Variants in SLC35F1 observed in about 807,000 individuals in gnomAD.
The protein encoded by SLC35F1 is solute carrier family 35 member F1.
SLC35F1 carries 14 observed loss-of-function variants against 48.7 expected under a neutral mutation model. The ratio of observed to expected loss-of-function variants is 0.29; its 90% CI spans 0.19 to 0.45. The LOEUF (loss-of-function observed/expected upper bound fraction) is 0.45, where lower values mean the gene tolerates loss of function less well. Among genes scored for constraint, SLC35F1 ranks in the 20% least tolerant of loss-of-function variants. The probability of loss-of-function intolerance (pLI) is 1.00; values close to 1 mark genes in which losing one functional copy is unlikely to be tolerated. For synonymous variants in SLC35F1, 190 were observed against 202.2 expected (o/e 0.94, Z 0.51); for missense variants, 404 against 500.0 (o/e 0.81, Z 1.83).
intron 1 of SLC35F1, among the ~76,000 whole-genome samples, chr6:118,019,346 A>T (rs1047005174): frequency 1.3e-5 from 2 of 152,150 alleles, no homozygotes; most frequent in Non-Finnish European, 2.9e-5. Context: ...TGCATCTTCT[A>T]TGTAAGTGTG....
At chr6:118,288,221 G>A (rs1269318169) in intron 7 of SLC35F1, among the ~76,000 whole-genome samples, 1 of 152,108 alleles carries the variant, frequency 6.6e-6, no homozygotes, top group Non-Finnish European at 1.5e-5. Flanking sequence ...GTTAACCCCT[G>A]TGAGCCCAAG....
chr6:118,232,982 T>TC (rs1262319319), intron 2 of SLC35F1, among the ~76,000 whole-genome samples: 3 of 151,816 alleles, frequency 2.0e-5, no homozygotes, highest in Non-Finnish European at 4.4e-5. Flanking sequence ...GTTTTTTTTT[T>TC]TTTAGACGAA....
intron 2 of SLC35F1, among the ~76,000 whole-genome samples, chr6:118,198,071 G>A (rs1485797061): frequency 2.6e-5 from 4 of 152,086 alleles, no homozygotes; most frequent in East Asian, 1.9e-4. Flanking sequence ...GTGACTTGTG[G>A]ACTCTCAGTA....
rs142909369 is a variant in SLC35F1, at chr6:118,067,983, A to G, written c.174-86462A>G. ...AACACAAATTTATTATCTAACGGTT[A>G]TGGAGGTCATGGGAGGCAGGCGGTG... On this transcript the variant is annotated intron_variant, in intron 1 of 7. Transcript: ENST00000360388. Among the ~76,000 whole-genome samples the G allele has an allele frequency of 6.6e-5, 10 of 152,310 alleles. No individual in the cohort carries two copies. In the East Asian group the frequency reaches 1.9e-3, roughly 29 times the overall value.
chr6:118,167,017 A>C (rs927085506), intron 2 of SLC35F1, among the ~76,000 whole-genome samples: 4 of 152,072 alleles, frequency 2.6e-5, no homozygotes, highest in Non-Finnish European at 5.9e-5. Flanking sequence ...TCAGTCCCTT[A>C]TTTCTTTCTT....
At chr6:118,170,604 T>C (rs944793532) in intron 2 of SLC35F1, among the ~76,000 whole-genome samples, 1 of 152,024 alleles carries the variant, frequency 6.6e-6, no homozygotes, top group African/African-American at 2.4e-5. Context: ...CATGCCCAGC[T>C]AATTTTTGTA....
chr6:118,195,589 A>G (rs1251395024), intron 2 of SLC35F1, among the ~76,000 whole-genome samples: 1 of 152,124 alleles, frequency 6.6e-6, no homozygotes, highest in Non-Finnish European at 1.5e-5. Flanking sequence ...CAAAAGCCAA[A>G]TTTTACAACC....
chr6:118,229,861 T>C (rs1202281530), intron 2 of SLC35F1, among the ~76,000 whole-genome samples: 1 of 152,240 alleles, frequency 6.6e-6, no homozygotes, highest in African/African-American at 2.4e-5. Flanking sequence ...TTAGCAAAAT[T>C]AGACATGAAT....
intron 2 of SLC35F1, among the ~76,000 whole-genome samples, chr6:118,171,865 T>G (rs1774409435): frequency 6.6e-6 from 1 of 152,178 alleles, no homozygotes; most frequent in Non-Finnish European, 1.5e-5. Context: ...GTCTCTTGTT[T>G]CATCTTCTCA....
rs427027 is a variant in SLC35F1, at chr6:118,288,263, A to C, written c.1002+2925A>C. On this transcript the variant is annotated intron_variant, in intron 7 of 7. Transcript: ENST00000360388. ...AGATAGGTCTCAATCAATTTGGAAA[A>C]TTTATTTTGGCAAGGTTAAGGGTGC... 4.9e-3 allele frequency among the ~76,000 whole-genome samples: 751 copies of C among 152,096 alleles called. 2 individuals carry two copies. The highest frequency in any genetic ancestry group is 8.3e-3 in the Non-Finnish European group (561 of 67,998).
chr6:118,204,952 T>C (rs1162088960), intron 2 of SLC35F1, among the ~76,000 whole-genome samples: 1 of 152,160 alleles, frequency 6.6e-6, no homozygotes, highest in African/African-American at 2.4e-5. Context: ...CCATGAATAA[T>C]ACGAGGTAAG....
intron 1 of SLC35F1, among the ~76,000 whole-genome samples, chr6:118,087,362 A>C (rs73512497): frequency 0.029 from 4,404 of 152,152 alleles, 155 homozygotes; most frequent in African/African-American, 0.075. Context: ...GTATAGTCAC[A>C]TTCTGAGGTA....
At chr6:118,302,936 C>T (rs1255649285) in intron 7 of SLC35F1, among the ~76,000 whole-genome samples, 6 of 147,480 alleles carry the variant, frequency 4.1e-5, no homozygotes, top group South Asian at 4.2e-4. Flanking sequence ...AGGCTATTTG[C>T]GAGAAGGTAG....
At chr6:118,242,072 C>T (rs1775448062) in intron 3 of SLC35F1, among the ~76,000 whole-genome samples, 1 of 152,178 alleles carries the variant, frequency 6.6e-6, no homozygotes, top group Non-Finnish European at 1.5e-5. Flanking sequence ...GTATTCATTT[C>T]TCTGGGATAA....
intron 2 of SLC35F1, among the ~76,000 whole-genome samples, chr6:118,220,964 G>T (rs1370781827): frequency 6.6e-6 from 1 of 152,044 alleles, no homozygotes; most frequent in Non-Finnish European, 1.5e-5. Context: ...TTCCCAACAT[G>T]TTTGTCACAC....
chr6:118,114,041 A>G (rs1016962769), intron 1 of SLC35F1, among the ~76,000 whole-genome samples: 1 of 152,108 alleles, frequency 6.6e-6, no homozygotes, highest in East Asian at 1.9e-4. Flanking sequence ...AGCTAACTCA[A>G]ATAAAGCCCT....
intron 1 of SLC35F1, among the ~76,000 whole-genome samples, chr6:118,028,227 G>A (rs377526254): frequency 1.3e-5 from 2 of 152,218 alleles, no homozygotes. Context: ...GACTCCTTAA[G>A]AGGTAAGTTT....
In SLC35F1 at chr6:118,189,819, T is replaced by C. The variant is rs572850305; in HGVS notation, c.349+35199T>C. On this transcript the variant is annotated intron_variant, in intron 2 of 7. Coordinates refer to ENST00000360388, the MANE Select transcript of SLC35F1 (RefSeq NM_001029858.4). ...TATAGACAAAAAAAGTAAAGTGATA[T>C]ACAGAAATCCAAAGTGAGGTACAGA... 8.6e-4 allele frequency among the ~76,000 whole-genome samples: 131 copies of C among 152,342 alleles called. 1 individual carries two copies. Among genetic ancestry groups the C allele is most frequent in the Non-Finnish European group, 7.2e-4 (49 of 68,028 alleles).
rs185412847 is a variant in SLC35F1, at chr6:118,237,962, C to G, written c.477+2326C>G. 5.6e-3 allele frequency among the ~76,000 whole-genome samples: 849 copies of G among 152,214 alleles called. 9 individuals are homozygous for G. The highest frequency in any genetic ancestry group is 0.02 in the African/African-American group (812 of 41,522). The stretch of plus-strand genomic sequence containing the variant: ...GCAGTGTTCTCTTTATGTATATCAA[C>G]ATTCATTATTCAGTGCAATCTGAAG... On this transcript the variant is annotated intron_variant, in intron 3 of 7. Transcript: ENST00000360388.
Sources: allele counts gnomAD v4.1 joint callset (sites outside exome capture counted in the v4.1 genomes callset), GRCh38; gene constraint gnomAD v4.1.1; transcripts MANE v1.5; gene names NCBI Gene and HGNC (gene_info 2026-07-23, HGNC 2026-07-21).